Variants in SHANK2 observed in about 807,000 individuals in gnomAD.
SHANK2 encodes SH3 and multiple ankyrin repeat domains 2.
A neutral mutation model predicts 133.7 loss-of-function variants in SHANK2; 43 were observed. The ratio of observed to expected loss-of-function variants is 0.32; its 90% CI spans 0.25 to 0.41. The LOEUF is 0.41. Ranked by LOEUF, SHANK2 falls within the 10% of genes least tolerant of loss-of-function variation. SHANK2 has a pLI of 1.00. For missense variants in SHANK2, 1,994 were observed against 2,235.8 expected (o/e 0.89, Z 2.18); for synonymous variants, 1,017 against 952.8 (o/e 1.07, Z -1.24).
chr11:70,906,685 T>C (rs1298230539), intron 10 of SHANK2, among the ~76,000 whole-genome samples: 1 of 152,202 alleles, frequency 6.6e-6, no homozygotes, highest in Non-Finnish European at 1.5e-5. Context: ...GCTTCATTTA[T>C]TTCAGACTCC....
intron 17 of SHANK2, among the ~76,000 whole-genome samples, chr11:70,596,351 C>T (rs186597913): frequency 6.6e-6 from 1 of 152,274 alleles, no homozygotes; most frequent in Admixed American, 6.5e-5. Flanking sequence ...GCACCAGTTC[C>T]GGAAGGAGCC....
intron 11 of SHANK2, among the ~76,000 whole-genome samples, chr11:70,821,414 G>A (rs186008327): frequency 2.0e-5 from 3 of 152,142 alleles, no homozygotes; most frequent in African/African-American, 7.2e-5. Context: ...GTAAATATCT[G>A]GTTGTTTTGT....
intron 25 of SHANK2, among the ~76,000 whole-genome samples, chr11:70,482,537 G>A (rs2058748739): frequency 6.6e-6 from 1 of 152,266 alleles, no homozygotes; most frequent in South Asian, 2.1e-4. Context: ...TTCCTGTGAA[G>A]TAGCCTCGGC....
chr11:71,214,340 C>T (rs1253718571), intron 2 of SHANK2, among the ~76,000 whole-genome samples: 9 of 152,194 alleles, frequency 5.9e-5, no homozygotes, highest in South Asian at 4.1e-4. Context: ...GGTGAGGAAC[C>T]GCGTGCTGGC....
At chr11:70,844,328 A>G (rs1948961570) in intron 11 of SHANK2, among the ~76,000 whole-genome samples, 1 of 151,362 alleles carries the variant, frequency 6.6e-6, no homozygotes. Flanking sequence ...TGAAATTGCC[A>G]TGCGTTTTTC....
chr11:70,596,167 G>C (rs1041587263), intron 17 of SHANK2, among the ~76,000 whole-genome samples: 1 of 152,222 alleles, frequency 6.6e-6, no homozygotes, highest in African/African-American at 2.4e-5. Flanking sequence ...GCTGTCCTGC[G>C]TGTGGTGATT....
intron 3 of SHANK2, among the ~76,000 whole-genome samples, chr11:71,132,554 TCAAGA>T (rs1163449871): frequency 6.6e-6 from 1 of 152,174 alleles, no homozygotes; most frequent in East Asian, 1.9e-4. Context: ...GCACCTCAAG[TCAAGA>T]CGTTTTATGT....
chr11:70,792,288 C>G (rs1335571358), intron 14 of SHANK2, among the ~76,000 whole-genome samples: 1 of 120,066 alleles, frequency 8.3e-6, no homozygotes, highest in African/African-American at 3.0e-5. Flanking sequence ...GCCAGCCAAG[C>G]AATCAATCAA....
At chr11:70,741,356 CAT>C (rs1555034742) in intron 14 of SHANK2, among the ~76,000 whole-genome samples, 2 of 151,984 alleles carry the variant, frequency 1.3e-5, no homozygotes, top group African/African-American at 4.8e-5. Flanking sequence ...TCCATCCATC[CAT>C]CCATCCATCC....
At chr11:71,094,073 C>T (rs544907416) in intron 7 of SHANK2, among the ~76,000 whole-genome samples, 7 of 152,210 alleles carry the variant, frequency 4.6e-5, no homozygotes, top group Admixed American at 1.3e-4. Context: ...TACCATGTGG[C>T]TCTGTGTCCC....
intron 14 of SHANK2, among the ~76,000 whole-genome samples, chr11:70,730,826 C>CTTTTTTT (rs34081906): frequency 1.6e-5 from 2 of 127,390 alleles, no homozygotes; most frequent in Non-Finnish European, 3.3e-5. Flanking sequence ...TTTTTTATTT[C>CTTTTTTT]TTTTTTTTTT....
At chr11:70,533,707 A>G (rs2059508063) in intron 17 of SHANK2, among the ~76,000 whole-genome samples, 1 of 152,128 alleles carries the variant, frequency 6.6e-6, no homozygotes, top group Admixed American at 6.5e-5. Context: ...GGCATTTAGT[A>G]CATTCACAGT....
intron 2 of SHANK2, among the ~76,000 whole-genome samples, chr11:71,223,753 G>A (rs535845722): frequency 1.3e-5 from 2 of 152,314 alleles, no homozygotes; most frequent in South Asian, 2.1e-4. Flanking sequence ...GGGCAGGCCC[G>A]TGCAGCTGAG....
chr11:71,244,513 C>T (rs1273014773), intron 1 of SHANK2, among the ~76,000 whole-genome samples: 1 of 152,186 alleles, frequency 6.6e-6, no homozygotes, highest in Non-Finnish European at 1.5e-5. Flanking sequence ...AAACCATTCT[C>T]ATCATAACAC....
chr11:70,879,958 A>G (rs1949633492), intron 11 of SHANK2, among the ~76,000 whole-genome samples: 1 of 152,152 alleles, frequency 6.6e-6, no homozygotes, highest in Non-Finnish European at 1.5e-5. Flanking sequence ...GGGTAGCCAG[A>G]TGTTTCTCCG....
intron 13 of SHANK2, among the ~76,000 whole-genome samples, chr11:70,805,986 C>G (rs897864728): frequency 4.6e-5 from 7 of 152,196 alleles, no homozygotes; most frequent in African/African-American, 1.7e-4. Context: ...GGCAAGAGGG[C>G]GGGGCTCTGC....
At chr11:70,935,767 C>T (rs1555083352) in intron 10 of SHANK2, among the ~76,000 whole-genome samples, 1 of 152,138 alleles carries the variant, frequency 6.6e-6, no homozygotes. Context: ...AGGCCTACTC[C>T]AAGAGACAGC....
At chr11:70,626,210 A>T (rs1554999909) in intron 17 of SHANK2, among the ~76,000 whole-genome samples, 1 of 152,220 alleles carries the variant, frequency 6.6e-6, no homozygotes, top group East Asian at 1.9e-4. Context: ...TTTCTGGTCC[A>T]CTCAATGCCT....
intron 8 of SHANK2, among the ~76,000 whole-genome samples, chr11:71,087,326 CAGGAAAA>C (rs1278722171): frequency 1.3e-5 from 2 of 151,892 alleles, no homozygotes; most frequent in African/African-American, 4.8e-5. Context: ...GGAGAGAGGG[CAGGAAAA>C]AGGAAAAAGG....
Sources: allele counts gnomAD v4.1 joint callset (sites outside exome capture counted in the v4.1 genomes callset), GRCh38; gene constraint gnomAD v4.1.1; transcripts MANE v1.5; gene names NCBI Gene and HGNC (gene_info 2026-07-23, HGNC 2026-07-21).